The following PLEKHG1 variants were observed in gnomAD, a reference collection of about 807,000 sequenced individuals.
PLEKHG1 encodes the protein pleckstrin homology domain-containing family G member 1.
A neutral mutation model predicts 100.8 loss-of-function variants in PLEKHG1; 44 were observed. That is an observed-to-expected ratio of 0.44 (90% CI 0.34 to 0.56). The LOEUF is 0.56. PLEKHG1 is among the 20% of genes least tolerant of loss of function. The pLI is 0.01. For synonymous variants in PLEKHG1, 640 were observed against 662.5 expected, an observed-to-expected ratio of 0.97 and a Z score of 0.52; for missense variants, 1,545 against 1,720.9, an observed-to-expected ratio of 0.90 and a Z score of 1.81.
intron 10 of PLEKHG1, 79 bp from the exon 12 acceptor site, chr6:150,818,104 G>A: frequency 9.7e-7 from 1 of 1,028,502 alleles, no homozygotes; most frequent in South Asian, 1.3e-5. Context: ...TATTCAGGTG[G>A]GATAAGATCT....
intron 2 of PLEKHG1, among the ~76,000 whole-genome samples, chr6:150,758,504 C>T (rs1020906922): frequency 3.3e-5 from 5 of 151,978 alleles, no homozygotes; most frequent in Non-Finnish European, 4.4e-5. Flanking sequence ...CCTGGCTAAT[C>T]TTGTATTTTT....
rs1562562395 is a variant in PLEKHG1, at chr6:150,831,203, G to C, written c.2092G>C (p.Glu698Gln). Residue 698 changes from glutamate (E) to glutamine (Q), a missense_variant, in exon 15 of 16, where the codon GAG becomes CAG. By Grantham distance (29) the Glu-to-Gln change is conservative (BLOSUM62 2). Coordinates refer to ENST00000358517, the Ensembl canonical transcript of PLEKHG1. This position sits in a 1 kb window ranked among gnomAD's most constrained non-coding sequence, Gnocchi z 4.1. ...CTCCGTTCGCCCCAAGAGCACCCCA[G>C]AGTTAGCCTTCACAAAGAGGCAAGC... is the stretch of plus-strand genomic sequence containing the variant. The C allele has an allele frequency of 1.2e-6, 2 of 1,614,002 alleles. No homozygotes were observed. Among genetic ancestry groups the C allele is most frequent in the Admixed American group, 3.3e-5 (2 of 59,994 alleles).
chr6:150,794,747 A>G (rs1786214579), intron 4 of PLEKHG1, among the ~76,000 whole-genome samples: 1 of 151,830 alleles, frequency 6.6e-6, no homozygotes, highest in South Asian at 2.1e-4. Flanking sequence ...ATTCAGAATG[A>G]TGGGGAAGCA....
chr6:150,754,601 T>C (rs1783716408), intron 2 of PLEKHG1, among the ~76,000 whole-genome samples: 1 of 151,702 alleles, frequency 6.6e-6, no homozygotes, highest in Non-Finnish European at 1.5e-5. Flanking sequence ...GCGGGATTTG[T>C]TGTTTGGGTG....
chr6:150,764,429 T>C (rs1280779132), intron 2 of PLEKHG1, among the ~76,000 whole-genome samples: 2 of 152,136 alleles, frequency 1.3e-5, no homozygotes, highest in Non-Finnish European at 2.9e-5. Flanking sequence ...CTGTTTTCTT[T>C]ATTGATGATG....
chr6:150,840,648 T>C, exon 16 of PLEKHG1: 1 of 1,614,226 alleles, frequency 6.2e-7, no homozygotes, highest in Non-Finnish European at 8.5e-7. Flanking sequence ...GAAATCTGAC[T>C]CAAAGTTTGT....
At chr6:150,699,111 T>G (rs1242129212) in intron 3 of PLEKHG1, among the ~76,000 whole-genome samples, 1 of 152,224 alleles carries the variant, frequency 6.6e-6, no homozygotes. Context: ...TGGACCAATG[T>G]CAGTTTCTGT....
At chr6:150,675,694 C>T (rs1049695379) in intron 3 of PLEKHG1, among the ~76,000 whole-genome samples, 3 of 152,200 alleles carry the variant, frequency 2.0e-5, no homozygotes, top group Non-Finnish European at 4.4e-5. Context: ...GCCATGTTGG[C>T]TAGGCTGGTC....
chr6:150,786,005 C>T (rs60051747), intron 3 of PLEKHG1, among the ~76,000 whole-genome samples: 3,424 of 152,048 alleles, frequency 0.023, 133 homozygotes, highest in African/African-American at 0.079. Flanking sequence ...TGGGGACCTC[C>T]GAGAGCCCAT....
upstream of PLEKHG1, among the ~76,000 whole-genome samples, chr6:150,718,581 T>G (rs1404900032): frequency 6.6e-6 from 1 of 151,388 alleles, no homozygotes; most frequent in Non-Finnish European, 1.5e-5. Flanking sequence ...GTGATTCTCC[T>G]GCCTCAGCCT....
chr6:150,811,092 C>G (rs1787498939), intron 10 of PLEKHG1, among the ~76,000 whole-genome samples: 1 of 152,088 alleles, frequency 6.6e-6, no homozygotes, highest in Non-Finnish European at 1.5e-5. Flanking sequence ...AGACAAGATA[C>G]AGATTCGGCC....
intron 3 of PLEKHG1, among the ~76,000 whole-genome samples, chr6:150,702,435 A>G (rs565418239): frequency 6.6e-6 from 1 of 151,662 alleles, no homozygotes; most frequent in Non-Finnish European, 1.5e-5. Flanking sequence ...ATGCCATTGC[A>G]CTCCAGCCAG....
chr6:150,772,105 G>A (rs1382082183), intron 3 of PLEKHG1, among the ~76,000 whole-genome samples: 2 of 152,196 alleles, frequency 1.3e-5, no homozygotes, highest in South Asian at 4.1e-4. Flanking sequence ...CCAGCATGGG[G>A]AAAGGGGAGG....
intron 2 of PLEKHG1, among the ~76,000 whole-genome samples, chr6:150,754,399 C>T (rs75256534): frequency 0.066 from 10,082 of 152,088 alleles, 454 homozygotes; most frequent in Admixed American, 0.14. Flanking sequence ...ACCCAGGAGG[C>T]ATGACATCAA....
intron 3 of PLEKHG1, among the ~76,000 whole-genome samples, chr6:150,777,977 C>G (rs1785087964): frequency 6.6e-6 from 1 of 152,248 alleles, no homozygotes; most frequent in Non-Finnish European, 1.5e-5. Context: ...GACTGTGCTC[C>G]CATTGTACTT....
rs79327293 is a variant in PLEKHG1, at chr6:150,722,828, G to A, written c.-99+1628G>A. On this transcript the variant is annotated intron_variant, in intron 1 of 15. Transcript: ENST00000358517. ...GCAGGGATGTTTTGGAACTGAGTGC[G>A]TTCCATACAGATGGAGCTTGTATAT... Among the ~76,000 whole-genome samples the A allele has an allele frequency of 7.2e-3, 1,095 of 152,190 alleles. 14 individuals are homozygous for A. Among genetic ancestry groups the A allele is most frequent in the African/African-American group, 0.025 (1,034 of 41,496 alleles).
At chr6:150,730,180 C>T (rs4242274) in intron 1 of PLEKHG1, among the ~76,000 whole-genome samples, 91,575 of 151,892 alleles carry the variant, frequency 0.6, 30,037 homozygotes, top group Non-Finnish European at 0.75. Context: ...GATTCTTCTC[C>T]GGTTACAAAA....
chr6:150,637,927 T>C (rs1215752275), intron 1 of PLEKHG1, among the ~76,000 whole-genome samples: 1 of 152,176 alleles, frequency 6.6e-6, no homozygotes, highest in East Asian at 1.9e-4. Flanking sequence ...TGTTTTTTAT[T>C]GTATGTATTA....
intron 15 of PLEKHG1, among the ~76,000 whole-genome samples, chr6:150,838,912 G>A (rs761791206): frequency 1.3e-5 from 2 of 152,066 alleles, no homozygotes; most frequent in African/African-American, 4.8e-5. Context: ...CAATACATGT[G>A]GTTTTGAAGC....
Sources: gnomAD v4.1 joint callset for allele counts (sites outside exome capture counted in the v4.1 genomes callset) on GRCh38, gnomAD v4.1.1 for gene constraint, Gnocchi (gnomAD v3.1) non-coding constraint, MANE v1.5 for transcripts, NCBI Gene and HGNC (gene_info 2026-07-23, HGNC 2026-07-21) for gene names.